The following CTNNA3 variants were observed in gnomAD, a reference collection of about 807,000 sequenced individuals.
CTNNA3 encodes catenin alpha 3.
A neutral mutation model predicts 95.7 loss-of-function variants in CTNNA3; 76 were observed. That is an observed-to-expected ratio of 0.79 (90% CI 0.66 to 0.96). The LOEUF (loss-of-function observed/expected upper bound fraction) is 0.96. Ranked by LOEUF, CTNNA3 falls within the 40% of genes least tolerant of loss-of-function variation. The pLI is 0.00. For synonymous variants in CTNNA3, 431 were observed against 374.4 expected, an observed-to-expected ratio of 1.15 and a Z score of -1.74; for missense variants, 1,191 against 1,089.8, an observed-to-expected ratio of 1.09 and a Z score of -1.31.
chr10:66,059,869 G>A (rs575394208), intron 15 of CTNNA3, among the ~76,000 whole-genome samples: 24 of 152,140 alleles, frequency 1.6e-4, no homozygotes, highest in Non-Finnish European at 3.4e-4. Flanking sequence ...TGAATAAATA[G>A]TTTTAAGCAT....
chr10:66,964,215 CACA>C (rs1206140924), intron 7 of CTNNA3, among the ~76,000 whole-genome samples: 1 of 151,958 alleles, frequency 6.6e-6, no homozygotes, highest in Non-Finnish European at 1.5e-5. Flanking sequence ...TGGGATTCAG[CACA>C]ACATTCTTCT....
intron 1 of CTNNA3, among the ~76,000 whole-genome samples, chr10:67,683,604 A>C (rs1244191716): frequency 1.3e-5 from 2 of 152,254 alleles, no homozygotes; most frequent in African/African-American, 2.4e-5. Context: ...GTATACCTTC[A>C]TCCCAATTCT....
intron 7 of CTNNA3, among the ~76,000 whole-genome samples, chr10:66,942,878 A>G (rs78282929): frequency 6.6e-6 from 1 of 152,240 alleles, no homozygotes; most frequent in Non-Finnish European, 1.5e-5. Flanking sequence ...CTGTGAAATG[A>G]TGGCTAAATT....
chr10:67,237,124 ATG>A (rs200531645), intron 5 of CTNNA3, among the ~76,000 whole-genome samples: 4,346 of 14,616 alleles, frequency 0.3, 860 homozygotes, highest in East Asian at 0.45. Context: ...ACTATGGTGT[ATG>A]TATATATATA....
intron 5 of CTNNA3, among the ~76,000 whole-genome samples, chr10:67,227,282 G>A (rs1864972460): frequency 6.6e-6 from 1 of 151,822 alleles, no homozygotes; most frequent in Admixed American, 6.6e-5. Context: ...GTAGAGCCAG[G>A]GTTTCTCCAT....
At chr10:67,207,876 A>C (rs907288652) in intron 6 of CTNNA3, among the ~76,000 whole-genome samples, 1 of 152,200 alleles carries the variant, frequency 6.6e-6, no homozygotes, top group Admixed American at 6.5e-5. Context: ...TGACCTCATC[A>C]TCAGAGTATG....
chr10:67,219,953 G>A, intron 5 of CTNNA3, 83 bp from the exon 6 acceptor site: 1 of 1,132,672 alleles, frequency 8.8e-7, no homozygotes, highest in African/African-American at 1.6e-5. Flanking sequence ...TTTTTTGTAA[G>A]TATAAATGAA....
chr10:67,225,597 T>G (rs186093451), intron 5 of CTNNA3, among the ~76,000 whole-genome samples: 8 of 152,138 alleles, frequency 5.3e-5, no homozygotes, highest in African/African-American at 1.4e-4. Context: ...GTAGACTTGC[T>G]GGGTGGCTAG....
At chr10:67,489,181 T>G (rs1241127424) in intron 5 of CTNNA3, among the ~76,000 whole-genome samples, 1 of 152,228 alleles carries the variant, frequency 6.6e-6, no homozygotes, top group Non-Finnish European at 1.5e-5. Flanking sequence ...TTTTACAGAT[T>G]TCCCTGGGAG....
intron 7 of CTNNA3, among the ~76,000 whole-genome samples, chr10:66,898,698 A>G (rs1267026136): frequency 2.0e-5 from 3 of 152,184 alleles, no homozygotes; most frequent in Non-Finnish European, 2.9e-5. Flanking sequence ...AGACACAAAA[A>G]TCAACTCAAA....
chr10:66,346,528 C>T (rs149448490), intron 12 of CTNNA3, among the ~76,000 whole-genome samples: 2,305 of 152,040 alleles, frequency 0.015, 55 homozygotes, highest in African/African-American at 0.053. Flanking sequence ...CTGCCTGCCT[C>T]GGCCTCCCAA....
chr10:67,233,578 A>T (rs1334532102), intron 5 of CTNNA3, among the ~76,000 whole-genome samples: 1 of 142,578 alleles, frequency 7.0e-6, no homozygotes, highest in Non-Finnish European at 1.5e-5. Context: ...CAAAATTGAC[A>T]CCCTAACATC....
At chr10:67,560,736 G>A (rs566739251) in intron 3 of CTNNA3, among the ~76,000 whole-genome samples, 27 of 152,204 alleles carry the variant, frequency 1.8e-4, no homozygotes, top group Admixed American at 1.6e-3. Context: ...CTGTATTCAG[G>A]AAACCCATCT....
chr10:67,177,909 T>A (rs1264652675), intron 7 of CTNNA3, among the ~76,000 whole-genome samples: 1 of 152,184 alleles, frequency 6.6e-6, no homozygotes, highest in Non-Finnish European at 1.5e-5. Flanking sequence ...ATGTGTTTAT[T>A]ATACACAGGG....
At chr10:66,684,035 C>T (rs1233777411) in intron 9 of CTNNA3, among the ~76,000 whole-genome samples, 2 of 152,138 alleles carry the variant, frequency 1.3e-5, no homozygotes, top group Non-Finnish European at 2.9e-5. Context: ...TGAGACATGG[C>T]TCCTAAAAGT....
In CTNNA3 at chr10:67,006,658, C is replaced by A. The variant is rs534819038; in HGVS notation, c.1047+173659G>T. On this transcript the variant is annotated intron_variant, in intron 7 of 17. Coordinates refer to ENST00000433211, the MANE Select transcript of CTNNA3 (RefSeq NM_013266.4). ...AATAAAAATTTAAATTCATTTAAAA[C>A]TTGAGTAATTATGATGCCATCAGCA... 8.5e-5 allele frequency among the ~76,000 whole-genome samples: 13 copies of A among 152,214 alleles called. No individual in the cohort carries two copies. In the South Asian group the frequency reaches 2.7e-3, roughly 32 times the overall value.
intron 7 of CTNNA3, among the ~76,000 whole-genome samples, chr10:66,871,696 A>G (rs888419433): frequency 1.3e-5 from 2 of 152,224 alleles, no homozygotes; most frequent in African/African-American, 4.8e-5. Context: ...GTTGAAGTAC[A>G]TGTACTGTTC....
intron 5 of CTNNA3, among the ~76,000 whole-genome samples, chr10:67,503,055 C>T (rs1231654246): frequency 3.3e-5 from 5 of 152,200 alleles, no homozygotes; most frequent in Admixed American, 1.3e-4. Context: ...TCTGCCCAAA[C>T]GGCCTCCCAG....
At position 67,346,372 on chromosome 10, in the gene CTNNA3, T is replaced by C. The variant is rs117754892; in HGVS notation, c.580-126502A>G. On this transcript the variant is annotated intron_variant, in intron 5 of 17. Coordinates refer to ENST00000433211, the MANE Select transcript of CTNNA3 (RefSeq NM_013266.4). ...TATTGCTCATTAATATACTTTTCTT[T>C]CTAATTGAAGTACTCTCTTTTCCAT... Among the ~76,000 whole-genome samples, 77 of 152,306 alleles carry C rather than the reference T, an allele frequency of 5.1e-4. No individual in the cohort carries two copies. In the East Asian group the frequency reaches 0.014, roughly 28 times the overall value.
Sources: gnomAD v4.1 joint callset for allele counts (sites outside exome capture counted in the v4.1 genomes callset) on GRCh38, gnomAD v4.1.1 for gene constraint, MANE v1.5 for transcripts, NCBI Gene and HGNC (gene_info 2026-07-23, HGNC 2026-07-21) for gene names.